RFTN1: variants seen among roughly 807,000 people sequenced by gnomAD.
RFTN1 encodes the protein raftlin.
RFTN1 carries 26 observed loss-of-function variants against 46.5 expected under a neutral mutation model. The ratio of observed to expected loss-of-function variants is 0.56; its 90% CI spans 0.41 to 0.78. The LOEUF (loss-of-function observed/expected upper bound fraction) is 0.78, where lower values mean the gene tolerates loss of function less well. Ranked by LOEUF, RFTN1 falls within the 30% of genes least tolerant of loss-of-function variation. The pLI is 0.00. For synonymous variants in RFTN1, 261 were observed against 284.2 expected, an observed-to-expected ratio of 0.92 and a Z score of 0.82; for missense variants, 693 against 718.7, an observed-to-expected ratio of 0.96 and a Z score of 0.41.
chr3:16,416,402 G>A (rs1335023692), intron 3 of RFTN1, among the ~76,000 whole-genome samples: 1 of 152,164 alleles, frequency 6.6e-6, no homozygotes, highest in Non-Finnish European at 1.5e-5. Context: ...TAGTACCCTG[G>A]ATTGGATCCT....
chr3:16,387,226 G>A lies in RFTN1; in HGVS notation c.442-9124C>T, dbSNP rs1020355103. Among the ~76,000 whole-genome samples, 1 of 152,180 alleles carries A rather than the reference G, an allele frequency of 6.6e-6. No individual in the cohort carries two copies. The highest frequency in any genetic ancestry group is 2.4e-5 in the African/African-American group (1 of 41,432). ...CATCCAGTCCACCCAGGGCCACAAG[G>A]AGGAGGGCTCAAGGTCTCCCGCCAA... is the stretch of plus-strand genomic sequence containing the variant. On this transcript the variant is annotated intron_variant, in intron 4 of 9. Transcript: ENST00000334133. The surrounding 1 kb of genome is among the most constrained non-coding windows in gnomAD (Gnocchi z 5.2).
rs1206850002 is a variant in RFTN1, at chr3:16,370,196, C to G, written c.910G>C (p.Val304Leu). 6.2e-7 allele frequency: 1 copy of G among 1,614,062 alleles called. No homozygotes were observed. The highest frequency in any genetic ancestry group is 8.5e-7 in the Non-Finnish European group (1 of 1,180,042). The change falls in exon 6 of 10, where the codon GTC becomes CTC. Residue 304 changes from valine (V) to leucine (L), a missense_variant. Transcript: ENST00000334133. This position sits in a 1 kb window ranked among gnomAD's most constrained non-coding sequence, Gnocchi z 5.5. ...QYYPVTIPLH[V>L]SKNGQTVSGL... ...CTCACTGTCTGGCCATTCTTGGAGA[C>G]ATGGAGAGGAATGGTGACAGGGTAG...
Position 16,320,607 on chromosome 3 carries a change from G to A in RFTN1, c.1332+2769C>T, listed in dbSNP as rs550393550. On this transcript the variant is annotated intron_variant, in intron 9 of 9. Transcript: ENST00000334133. This position sits in a 1 kb window ranked among gnomAD's most constrained non-coding sequence, Gnocchi z 4.5. The stretch of plus-strand genomic sequence containing the variant: ...AAGGAGAGCTCTGAAGGAGAAGAAC[G>A]TGGTTCTTTTCCAGGGTAGTACAAA... Among the ~76,000 whole-genome samples, 8 of 152,356 alleles carry A rather than the reference G, an allele frequency of 5.3e-5. No individual in the cohort carries two copies. Among genetic ancestry groups the A allele is most frequent in the African/African-American group, 1.4e-4 (6 of 41,582 alleles).
Position 16,466,808 on chromosome 3 carries a change from G to A in RFTN1, c.145+26917C>T, listed in dbSNP as rs1173044572. Reference sequence around the variant, plus strand: ...GACACACATACACAGACACACATACGCTTCTCATAGCTGAAAACATGGAAG... The same window carrying A: ...GACACACATACACAGACACACATACACTTCTCATAGCTGAAAACATGGAAG... On this transcript the variant is annotated intron_variant, in intron 2 of 9. Coordinates refer to ENST00000334133, the MANE Select transcript of RFTN1 (RefSeq NM_015150.2). The surrounding 1 kb of genome is among the most constrained non-coding windows in gnomAD (Gnocchi z 5.6). 3.3e-5 allele frequency among the ~76,000 whole-genome samples: 5 copies of A among 152,092 alleles called. No individual in the cohort carries two copies. The highest frequency in any genetic ancestry group is 5.9e-5 in the Non-Finnish European group (4 of 68,012).
chr3:16,345,788 C>CTGTGTGTGTGTGTG lies in RFTN1; in HGVS notation c.1146+12130_1146+12143dup, dbSNP rs370820242. Among the ~76,000 whole-genome samples, 387 of 127,214 alleles carry CTGTGTGTGTGTGTG rather than the reference C, an allele frequency of 3.0e-3. 1 individual carries two copies. The highest frequency in any genetic ancestry group is 4.3e-3 in the African/African-American group (144 of 33,114). The allele number at this position is 127,214 out of a possible 152,430, so 83.5% of individuals were successfully genotyped here. On this transcript the variant is annotated intron_variant, in intron 7 of 9. Coordinates refer to ENST00000334133, the MANE Select transcript of RFTN1 (RefSeq NM_015150.2). The surrounding 1 kb of genome is among the most constrained non-coding windows in gnomAD (Gnocchi z 5.2). ...TGAGCCAAAACCTTATAATAAATCT[C>CTGTGTGTGTGTGTG]TGTGTGTGTGTGTGTGTGTGTGTGT...
At chr3:16,472,236 AAAAC>A (rs1559364216) in intron 2 of RFTN1, 2 of 152,288 alleles carry the variant, frequency 1.3e-5, no homozygotes, top group African/African-American at 2.4e-5. Flanking sequence ...TTTAAAAAAA[AAAAC>A]AAACAAACAG....
chr3:16,420,838 A>C (rs1413830424), intron 3 of RFTN1, among the ~76,000 whole-genome samples: 2 of 152,250 alleles, frequency 1.3e-5, no homozygotes, highest in African/African-American at 4.8e-5. Flanking sequence ...TGTATGTGCA[A>C]ATCATCTGGA....
At chr3:16,482,911 A>C in intron 2 of RFTN1, 5 of 1,333,654 alleles carry the variant, frequency 3.7e-6, no homozygotes, top group Non-Finnish European at 5.2e-6. Context: ...GAAATATAGA[A>C]AGTCCCGCCC....
chr3:16,371,225 A>C (rs1222652425), intron 5 of RFTN1, among the ~76,000 whole-genome samples: 2 of 152,248 alleles, frequency 1.3e-5, no homozygotes, highest in Non-Finnish European at 2.9e-5. Context: ...AAGAATTTAA[A>C]GGTCATAAAC....
chr3:16,327,462 TA>T lies in RFTN1; in HGVS notation c.1147-587del, dbSNP rs1263064188. 1.3e-5 allele frequency among the ~76,000 whole-genome samples: 2 copies of T among 152,084 alleles called. No individual in the cohort carries two copies. Among genetic ancestry groups the T allele is most frequent in the East Asian group, 3.9e-4 (2 of 5,190 alleles). ...GGGGAACTAACATTTGTCTTTCAGT[TA>T]AAAAACTCAGCCCCGGCCGGGTGCT... On this transcript the variant is annotated intron_variant, in intron 7 of 9. Transcript: ENST00000334133. This position sits in a 1 kb window ranked among gnomAD's most constrained non-coding sequence, Gnocchi z 4.2.
At chr3:16,328,943 A>C (rs992397118) in intron 7 of RFTN1, among the ~76,000 whole-genome samples, 4 of 152,234 alleles carry the variant, frequency 2.6e-5, no homozygotes, top group Non-Finnish European at 5.9e-5. Context: ...AAATTCTGCC[A>C]CACTGCAAGG....
In RFTN1 at chr3:16,356,338, C is replaced by T. The variant is rs886164619; in HGVS notation, c.1146+1594G>A. 2.0e-5 allele frequency among the ~76,000 whole-genome samples: 3 copies of T among 152,170 alleles called. No homozygotes were observed. Among genetic ancestry groups the T allele is most frequent in the African/African-American group, 7.2e-5 (3 of 41,424 alleles). ...TCTCACACCAGGCTGTCACCTGGTT[C>T]CTGACTTCCCTCAGGACTTCTGGCC... On this transcript the variant is annotated intron_variant, in intron 7 of 9. Transcript: ENST00000334133. The surrounding 1 kb of genome is among the most constrained non-coding windows in gnomAD (Gnocchi z 4.9).
chr3:16,409,231 C>T (rs1312778819), intron 4 of RFTN1, 144 bp downstream of exon 4: 1 of 570,608 alleles, frequency 1.8e-6, no homozygotes, highest in Non-Finnish European at 3.2e-6. Context: ...GGGGCTGCTT[C>T]CCTGTGGGGC....
At chr3:16,349,160 G>A (rs1285766190) in intron 7 of RFTN1, 2 of 152,236 alleles carry the variant, frequency 1.3e-5, no homozygotes, top group African/African-American at 4.8e-5. Flanking sequence ...GCTTTTCTCT[G>A]TGACGTTCCT....
chr3:16,369,349 G>A (rs1199388458), intron 6 of RFTN1, among the ~76,000 whole-genome samples: 1 of 152,264 alleles, frequency 6.6e-6, no homozygotes, highest in Non-Finnish European at 1.5e-5. Context: ...TAGGAATCCT[G>A]CTGACTGGCA....
At chr3:16,496,370 A>T (rs939086059) in intron 1 of RFTN1, among the ~76,000 whole-genome samples, 4 of 152,240 alleles carry the variant, frequency 2.6e-5, no homozygotes, top group African/African-American at 9.6e-5. Flanking sequence ...TGAATCAAAG[A>T]GCGCCTAACA....
chr3:16,487,366 T>C (rs138739110), intron 2 of RFTN1, among the ~76,000 whole-genome samples: 39 of 152,312 alleles, frequency 2.6e-4, no homozygotes, highest in African/African-American at 8.2e-4. Context: ...GAGACACAGA[T>C]TCTGACCTGA....
intron 7 of RFTN1, among the ~76,000 whole-genome samples, chr3:16,331,701 G>C (rs997676656): frequency 4.6e-5 from 7 of 152,052 alleles, no homozygotes; most frequent in Admixed American, 3.3e-4. Context: ...CTCTAATCTG[G>C]TCTGGCTGCT....
Position 16,322,220 on chromosome 3 carries a change from C to T in RFTN1, c.1332+1156G>A, listed in dbSNP as rs190387389. ...GCAGTTCCCTTCTGGTCCATTGTGC[C>T]GTCACCTGTCACATTACACCTTCAG... On this transcript the variant is annotated intron_variant, in intron 9 of 9. Transcript: ENST00000334133. This position sits in a 1 kb window ranked among gnomAD's most constrained non-coding sequence, Gnocchi z 6.2. 2.0e-5 allele frequency among the ~76,000 whole-genome samples: 3 copies of T among 152,272 alleles called. No individual in the cohort carries two copies. Among genetic ancestry groups the T allele is most frequent in the South Asian group, 4.1e-4 (2 of 4,824 alleles).
Sources: gnomAD v4.1 joint callset for allele counts (sites outside exome capture counted in the v4.1 genomes callset) on GRCh38, gnomAD v4.1.1 for gene constraint, Gnocchi (gnomAD v3.1) non-coding constraint, MANE v1.5 for transcripts, NCBI Gene and HGNC (gene_info 2026-07-23, HGNC 2026-07-21) for gene names.